The following PCDHA9 variants were observed in gnomAD, a reference collection of about 807,000 sequenced individuals.
PCDHA9 encodes the protein protocadherin alpha-9.
In PCDHA9, 62 loss-of-function variants were observed where a neutral mutation model predicts 62.0. The observed-to-expected ratio is 1.00, with a 90% CI of 0.81 to 1.23. The LOEUF is 1.23. Among genes scored for constraint, PCDHA9 ranks in the 50% most tolerant of loss-of-function variants. The pLI is 0.00. For synonymous variants in PCDHA9, 557 were observed against 567.6 expected (o/e 0.98, Z 0.27); for missense variants, 1,205 against 1,249.8 (o/e 0.96, Z 0.54).
chr5:140,871,487 C>A, intron 1 of PCDHA9: 1 of 1,591,808 alleles, frequency 6.3e-7, no homozygotes, highest in South Asian at 1.1e-5. Flanking sequence ...TCAAATCACC[C>A]CGGACAGGTG....
rs781975666 is a variant in PCDHA9, at chr5:140,856,109, G to A, written c.2394+5220G>A. 6.9e-6 allele frequency: 11 copies of A among 1,597,740 alleles called. 1 individual carries two copies. The highest frequency in any genetic ancestry group is 4.0e-5 in the African/African-American group (3 of 74,230). On this transcript the variant is annotated intron_variant, in intron 1 of 3. Transcript: ENST00000532602. The stretch of plus-strand genomic sequence containing the variant: ...TCTGCTGCTCTCGCTTCTTCTCCTC[G>A]CAGCCTGGGAGGTGGGGAGCGGCCA...
intron 1 of PCDHA9, chr5:140,871,181 T>C (rs782405877): frequency 6.2e-7 from 1 of 1,613,552 alleles, no homozygotes; most frequent in Admixed American, 1.7e-5. Flanking sequence ...GCTGCGCTGG[T>C]GGATGTCAAC....
chr5:140,870,090 G>A, intron 1 of PCDHA9: 3 of 1,613,854 alleles, frequency 1.9e-6, no homozygotes, highest in South Asian at 2.2e-5. Flanking sequence ...CTCCCCCAAT[G>A]GCAGGTCACT....
chr5:140,978,701 G>A (rs1240672824), intron 1 of PCDHA9, among the ~76,000 whole-genome samples: 1 of 152,236 alleles, frequency 6.6e-6, no homozygotes, highest in African/African-American at 2.4e-5. Context: ...AAAGCCAAAG[G>A]TGGCCTTTAC....
chr5:140,882,199 G>A, intron 1 of PCDHA9: 1 of 1,526,968 alleles, frequency 6.5e-7, no homozygotes, highest in Non-Finnish European at 8.8e-7. Context: ...TAAAAATTGG[G>A]CCTTGAGAGA....
In PCDHA9 at chr5:141,009,886, C is replaced by T. The variant is rs377373799; in HGVS notation, c.2802C>T (p.Thr934=). Residue 934 remains threonine (T), a synonymous_variant, in exon 4 of 4, where the codon ACC becomes ACT. Transcript: ENST00000532602. ...AGAAAAAGAAGAAGGGTAACAAGAC[C>T]CAGGAGAAAAAAGAGAAAGGGAACA... ...KKKKKKKGNK[T]QEKKEKGNST... is the part of the protein sequence containing the mutation. The T allele has an allele frequency of 9.0e-4, 1,444 of 1,612,840 alleles. 15 individuals are homozygous for T. The South Asian group carries it at 0.015, about 17-fold the overall frequency.
intron 1 of PCDHA9, among the ~76,000 whole-genome samples, chr5:140,961,205 T>A (rs1215243152): frequency 1.3e-5 from 2 of 152,172 alleles, no homozygotes; most frequent in African/African-American, 4.8e-5. Context: ...GAGGTTGGTA[T>A]TGATGAAGAA....
chr5:140,927,176 TGACCTAC>T (rs1285493810), intron 1 of PCDHA9: 5 of 1,614,156 alleles, frequency 3.1e-6, no homozygotes, highest in Non-Finnish European at 4.2e-6. Flanking sequence ...GCCTGCGTCT[TGACCTAC>T]GACCTGGTGC....
In PCDHA9 at chr5:140,917,330, A is replaced by T. The variant is rs155802; in HGVS notation, c.2395-61619A>T. On this transcript the variant is annotated intron_variant, in intron 1 of 3. Coordinates refer to ENST00000532602, the MANE Select transcript of PCDHA9 (RefSeq NM_031857.2). The stretch of plus-strand genomic sequence containing the variant: ...CAATTTGGTGTTCATGTGGCGGGGG[A>T]GGGGGGGGATGGTGTAGGCTTCTGT... Among the ~76,000 whole-genome samples, 56 of 103,230 alleles carry T rather than the reference A, an allele frequency of 5.4e-4. 2 individuals are homozygous for T. In the South Asian group the frequency reaches 0.01, roughly 19 times the overall value. The allele number at this position is 103,230 out of a possible 152,430, so 67.7% of individuals were successfully genotyped here.
At chr5:140,999,159 G>A (rs1056236953) in intron 3 of PCDHA9, among the ~76,000 whole-genome samples, 2 of 152,182 alleles carry the variant, frequency 1.3e-5, no homozygotes, top group African/African-American at 2.4e-5. Flanking sequence ...CAGTCCCCTA[G>A]AAGGAAAAGA....
In PCDHA9 at chr5:140,876,482, T is replaced by G. The variant is rs372044061; in HGVS notation, c.2394+25593T>G. The G allele has an allele frequency of 1.8e-4, 291 of 1,613,904 alleles. No individual in the cohort carries two copies. The highest frequency in any genetic ancestry group is 2.4e-4 in the Non-Finnish European group (285 of 1,179,894). On this transcript the variant is annotated intron_variant, in intron 1 of 3. Transcript: ENST00000532602. The stretch of plus-strand genomic sequence containing the variant: ...TCCATGGCAGGTCACAGCATGGTCC[T>G]GGTGGAAGTTCTGGACGTGAATGAC...
intron 1 of PCDHA9, chr5:140,968,967 A>G (rs782494657): frequency 2.5e-6 from 4 of 1,614,216 alleles, no homozygotes; most frequent in East Asian, 2.2e-5. Context: ...TGCTACCGCT[A>G]CACTGCGTAT....
Position 140,974,796 on chromosome 5 carries a change from G to T in PCDHA9, c.2395-4153G>T, listed in dbSNP as rs2096640726. On this transcript the variant is annotated intron_variant, in intron 1 of 3. Transcript: ENST00000532602. The stretch of plus-strand genomic sequence containing the variant: ...AGCCACTGCGCCCAGCCCTCATTTT[G>T]ATATACTAGAAGACCAATATGCAAC... Among the ~76,000 whole-genome samples the T allele has an allele frequency of 2.6e-5, 4 of 152,194 alleles. No individual in the cohort carries two copies. In the South Asian group the frequency reaches 8.3e-4, roughly 32 times the overall value.
chr5:140,857,348 C>T lies in PCDHA9; in HGVS notation c.2394+6459C>T, dbSNP rs782358430. 9.4e-6 allele frequency: 15 copies of T among 1,598,398 alleles called. 2 individuals carry two copies. The highest frequency in any genetic ancestry group is 6.7e-5 in the African/African-American group (5 of 74,370). On this transcript the variant is annotated intron_variant, in intron 1 of 3. Coordinates refer to ENST00000532602, the MANE Select transcript of PCDHA9 (RefSeq NM_031857.2). ...CGCGCGGGACGGGGGCTCGCCTCCG[C>T]TGTGGGCCACGGCCAGCGTGTCTGT... is the stretch of plus-strand genomic sequence containing the variant.
chr5:140,979,383 T>C (rs2096847136), intron 2 of PCDHA9, among the ~76,000 whole-genome samples: 1 of 152,220 alleles, frequency 6.6e-6, no homozygotes, highest in Admixed American at 6.5e-5. Context: ...CATTGTGCAA[T>C]GTATACATAC....
chr5:140,875,452 C>CA, intron 1 of PCDHA9: 1 of 1,592,570 alleles, frequency 6.3e-7, no homozygotes, highest in Non-Finnish European at 8.6e-7. Context: ...TGTCCCAACT[C>CA]AGAGGCCCTC....
Position 140,883,537 on chromosome 5 carries a change from G to A in PCDHA9, c.2394+32648G>A, listed in dbSNP as rs782001309. 3 of 1,614,238 alleles carry A rather than the reference G, an allele frequency of 1.9e-6. No individual in the cohort carries two copies. The African/African-American group carries it at 4.0e-5, about 22-fold the overall frequency. On this transcript the variant is annotated intron_variant, in intron 1 of 3. Transcript: ENST00000532602. ...GCGAGAGCGTATCAGCCTATGAACT[G>A]GTGGTGACCGCGCGGGACGGGGGCT...
At chr5:140,986,437 G>A (rs1554248053) in intron 3 of PCDHA9, among the ~76,000 whole-genome samples, 2 of 152,182 alleles carry the variant, frequency 1.3e-5, no homozygotes, top group Admixed American at 6.5e-5. Flanking sequence ...GAGTACTAAT[G>A]CCCTGAAGAG....
chr5:140,893,205 T>A (rs192969362), intron 1 of PCDHA9, among the ~76,000 whole-genome samples: 1 of 152,338 alleles, frequency 6.6e-6, no homozygotes, highest in East Asian at 1.9e-4. Context: ...CTGCAGTAAG[T>A]ATGGGAGGTG....
Sources: gnomAD v4.1 joint callset for allele counts (sites outside exome capture counted in the v4.1 genomes callset) on GRCh38, gnomAD v4.1.1 for gene constraint, MANE v1.5 for transcripts, NCBI Gene and HGNC (gene_info 2026-07-23, HGNC 2026-07-21) for gene names.